Variants in UCN observed in about 807,000 individuals in gnomAD.
The protein encoded by UCN is prepro-urocortin.
A neutral mutation model predicts 6.5 loss-of-function variants in UCN; 5 were observed. The observed-to-expected ratio is 0.77, with a 90% confidence interval of 0.40 to 1.62. The LOEUF is 1.62. UCN is among the 40% of genes most tolerant of loss of function. The pLI is 0.02. For synonymous variants in UCN, 95 were observed against 96.4 expected, an observed-to-expected ratio of 0.99 and a Z score of 0.09; for missense variants, 195 against 188.8, an observed-to-expected ratio of 1.03 and a Z score of -0.19.
rs1679258252 is a variant in UCN, at chr2:27,307,422, A to C, written c.*99T>G. On this transcript the variant is annotated 3_prime_UTR_variant, in exon 2 of 2. Coordinates refer to ENST00000296099, the MANE Select transcript of UCN (RefSeq NM_003353.4). The surrounding 1 kb of genome is among the most constrained non-coding windows in gnomAD (Gnocchi z 6.9). ...AACGGGTCTTCAGTACTTTTATTAAAAAATAGTCACGCAGACAGTGCCCTG... is the reference window on the plus strand; with the variant it reads ...AACGGGTCTTCAGTACTTTTATTAACAAATAGTCACGCAGACAGTGCCCTG... 2.0e-6 allele frequency: 3 copies of C among 1,537,152 alleles called. No homozygotes were observed. In the South Asian group the frequency reaches 3.6e-5, roughly 19 times the overall value.
chr2:27,307,702 C>G lies in UCN; in HGVS notation c.194G>C (p.Arg65Pro). 6.4e-7 allele frequency: 1 copy of G among 1,561,042 alleles called. No individual in the cohort carries two copies. Among genetic ancestry groups the G allele is most frequent in the Non-Finnish European group, 8.7e-7 (1 of 1,155,482 alleles). Residue 65 changes from arginine (R) to proline (P), a missense_variant, in exon 2 of 2, where the codon CGC (arginine) becomes CCC (proline). Transcript: ENST00000296099. The surrounding 1 kb of genome is among the most constrained non-coding windows in gnomAD (Gnocchi z 6.9). The part of the protein sequence containing the change: ...LLLLAERFPR[R>P]AGPGRLGLGT... ...GAGTCCCAATCGGCCGGGCCCCGCG[C>G]GGCGCGGGAAGCGCTCCGCCAGCAG...
At position 27,307,607 on chromosome 2, in the gene UCN, G is replaced by A. The variant is rs763965255; in HGVS notation, c.289C>T (p.Arg97Trp). 3 of 1,612,668 alleles carry A rather than the reference G, an allele frequency of 1.9e-6. No individual in the cohort carries two copies. Among genetic ancestry groups the A allele is most frequent in the Non-Finnish European group, 2.5e-6 (3 of 1,179,906 alleles). The change falls in exon 2 of 2, where the codon CGG becomes TGG. Residue 97 changes from arginine (R) to tryptophan (W), a missense_variant. Arg to Trp is a moderately radical substitution (Grantham distance 101). Transcript: ENST00000296099. The surrounding 1 kb of genome is among the most constrained non-coding windows in gnomAD (Gnocchi z 6.9). ...GTCCGCGCCAGCTCCAGCAGGGTCC[G>A]CAGCAGGTGAAAGGTGAGGTCAATG... The part of the protein sequence containing the change: ...LSIDLTFHLL[R>W]TLLELARTQS...
rs759097906 is a variant in UCN at position 27,307,582 on chromosome 2, G to A, written c.314C>T (p.Thr105Met). 21 of 1,612,762 alleles carry A rather than the reference G, an allele frequency of 1.3e-5. No individual in the cohort carries two copies. In the East Asian group the frequency reaches 4.2e-4, roughly 33 times the overall value. Residue 105 changes from threonine to methionine, a missense_variant, in exon 2 of 2, where the codon ACG (threonine) becomes ATG (methionine). Transcript: ENST00000296099. The surrounding 1 kb of genome is among the most constrained non-coding windows in gnomAD (Gnocchi z 6.9). Reference protein sequence around the residue: ...LLRTLLELARTQSQRERAEQN... With the variant: ...LLRTLLELARMQSQRERAEQN... Reference sequence around the variant, plus strand: ...CTCGGCGCGCTCCCGCTGGCTCTGCGTCCGCGCCAGCTCCAGCAGGGTCCG... The same window carrying A: ...CTCGGCGCGCTCCCGCTGGCTCTGCATCCGCGCCAGCTCCAGCAGGGTCCG...
Position 27,307,841 on chromosome 2 carries a change from G to C in UCN, c.55C>G (p.Leu19Val), listed in dbSNP as rs1237664436. The C allele has an allele frequency of 1.3e-6, 2 of 1,498,946 alleles. No individual in the cohort carries two copies. The highest frequency in any genetic ancestry group is 4.4e-5 in the Admixed American group (2 of 45,534). The allele number at this position is 1,498,946 out of a possible 1,614,324, so 92.9% of individuals were successfully genotyped here. ...CTCCTCTGGCTGCTCCCAGGGCACA[G>C]CTGTACCAGGAGCAGCAGCGCGGCC... ...LLAALLLLVQ[L>V]CPGSSQRSPE... The change falls in exon 2 of 2, where the codon CTG (leucine) becomes GTG (valine). Residue 19 changes from leucine to valine, a missense_variant. Physicochemically the swap from Leu to Val is conservative, Grantham distance 32 (BLOSUM62 1). Coordinates refer to ENST00000296099, the MANE Select transcript of UCN (RefSeq NM_003353.4). The surrounding 1 kb of genome is among the most constrained non-coding windows in gnomAD (Gnocchi z 6.9).
At position 27,308,149 on chromosome 2, in the gene UCN, G is replaced by A; in HGVS notation, c.-14+11C>T. ...CAGGGGGAGGCTGGGCGGACGCTCTGAGCCACTCACAGGTTGTCGGCGAGC... is the reference window on the plus strand; with the variant it reads ...CAGGGGGAGGCTGGGCGGACGCTCTAAGCCACTCACAGGTTGTCGGCGAGC... On this transcript the variant is annotated intron_variant, in intron 1 of 1. Coordinates refer to ENST00000296099, the MANE Select transcript of UCN (RefSeq NM_003353.4). This position sits in a 1 kb window ranked among gnomAD's most constrained non-coding sequence, Gnocchi z 4.2. The A allele has an allele frequency of 2.6e-6, 1 of 390,992 alleles. No homozygotes were observed. The highest frequency in any genetic ancestry group is 6.5e-5 in the South Asian group (1 of 15,316). 24.2% of individuals were successfully genotyped at this position (390,992 alleles called of 1,614,324 possible).
rs769091059 is a variant in UCN, at chr2:27,307,534, G to C, written c.362C>G (p.Ser121Trp). Residue 121 changes from serine (S) to tryptophan (W), a missense_variant, in exon 2 of 2, where the codon TCG becomes TGG. Transcript: ENST00000296099. This position sits in a 1 kb window ranked among gnomAD's most constrained non-coding sequence, Gnocchi z 6.9. ...CAAACCGGGCCATCACTTGCCCACCGAGTCGAATATGATGCGGTTCTGCTC... is the reference window on the plus strand; with the variant it reads ...CAAACCGGGCCATCACTTGCCCACCCAGTCGAATATGATGCGGTTCTGCTC... ...RAEQNRIIFD[S>W]VGK is the part of the protein sequence containing the mutation. The C allele has an allele frequency of 1.2e-6, 2 of 1,612,926 alleles. No homozygotes were observed. Among genetic ancestry groups the C allele is most frequent in the East Asian group, 2.2e-5 (1 of 44,860 alleles).
rs1361607948 is a variant in UCN at position 27,307,867 on chromosome 2, A to G, written c.29T>C (p.Leu10Pro). Reference protein sequence around the residue: MRQAGRAALLAALLLLVQLC... With the variant: MRQAGRAALPAALLLLVQLC... ...CTGTACCAGGAGCAGCAGCGCGGCC[A>G]GCAGCGCTGCGCGTCCCGCCTGCCT... The change falls in exon 2 of 2, where the codon CTG becomes CCG. Residue 10 changes from leucine (L) to proline (P), a missense_variant. Physicochemically the swap from Leu to Pro is moderately conservative, Grantham distance 98. Transcript: ENST00000296099. This position sits in a 1 kb window ranked among gnomAD's most constrained non-coding sequence, Gnocchi z 6.9. 25 of 1,488,122 alleles carry G rather than the reference A, an allele frequency of 1.7e-5. No homozygotes were observed. The highest frequency in any genetic ancestry group is 2.2e-5 in the Non-Finnish European group (25 of 1,127,382). The allele number at this position is 1,488,122 out of a possible 1,614,324, so 92.2% of individuals were successfully genotyped here.
In UCN at chr2:27,307,643, G is replaced by A. The variant is rs973424480; in HGVS notation, c.253C>T (p.Pro85Ser). ...TAGERPRRDN[P>S]SLSIDLTFHL... Reference sequence around the variant, plus strand: ...AAGGTGAGGTCAATGGACAGAGAAGGGTTGTCCCGCCGCGGCCGCTCGCCT... The same window carrying A: ...AAGGTGAGGTCAATGGACAGAGAAGAGTTGTCCCGCCGCGGCCGCTCGCCT... Residue 85 changes from proline (P) to serine (S), a missense_variant, in exon 2 of 2, where the codon CCT becomes TCT. Transcript: ENST00000296099. The surrounding 1 kb of genome is among the most constrained non-coding windows in gnomAD (Gnocchi z 6.9). The A allele has an allele frequency of 2.5e-6, 4 of 1,609,778 alleles. No individual in the cohort carries two copies. Among genetic ancestry groups the A allele is most frequent in the Non-Finnish European group, 3.4e-6 (4 of 1,178,818 alleles).
At position 27,307,736 on chromosome 2, in the gene UCN, G is replaced by A. The variant is rs1043402827; in HGVS notation, c.160C>T (p.Leu54Phe). Residue 54 changes from leucine to phenylalanine, a missense_variant, in exon 2 of 2, where the codon CTC becomes TTC. By Grantham distance (22) the Leu-to-Phe change is conservative. Transcript: ENST00000296099. The surrounding 1 kb of genome is among the most constrained non-coding windows in gnomAD (Gnocchi z 6.9). The part of the protein sequence containing the change: ...ARNQGGGARA[L>F]LLLLAERFPR... ...AAGCGCTCCGCCAGCAGCAAGAGGA[G>A]CGCGCGGGCCCCGCCACCCTGGTTC... 2.6e-6 allele frequency: 4 copies of A among 1,511,774 alleles called. No individual in the cohort carries two copies. The highest frequency in any genetic ancestry group is 1.3e-5 in the South Asian group (1 of 78,724). The allele number at this position is 1,511,774 out of a possible 1,614,324, so 93.6% of individuals were successfully genotyped here.
chr2:27,308,048 C>T lies in UCN; in HGVS notation c.-14+112G>A, dbSNP rs1679292043. On this transcript the variant is annotated intron_variant, in intron 1 of 1. Coordinates refer to ENST00000296099, the MANE Select transcript of UCN (RefSeq NM_003353.4). This position sits in a 1 kb window ranked among gnomAD's most constrained non-coding sequence, Gnocchi z 4.2. Reference sequence around the variant, plus strand: ...TGCCCTCCAGCCCCAGCCACTGCGCCAGTGCTGTTCCATCCCTTCCACCCA... The same window carrying T: ...TGCCCTCCAGCCCCAGCCACTGCGCTAGTGCTGTTCCATCCCTTCCACCCA... 1 of 752,226 alleles carries T rather than the reference C, an allele frequency of 1.3e-6. No homozygotes were observed. Among genetic ancestry groups the T allele is most frequent in the South Asian group, 3.2e-5 (1 of 31,006 alleles). The allele number at this position is 752,226 out of a possible 1,614,324, so 46.6% of individuals were successfully genotyped here. A position where few individuals can be genotyped will look rare whatever the true frequency, so the allele number is the denominator to read the frequency against.
At position 27,307,737 on chromosome 2, in the gene UCN, C is replaced by A. The variant is rs749714626; in HGVS notation, c.159G>T (p.Ala53=). The A allele has an allele frequency of 4.6e-6, 7 of 1,508,148 alleles. No individual in the cohort carries two copies. Among genetic ancestry groups the A allele is most frequent in the Non-Finnish European group, 6.2e-6 (7 of 1,133,096 alleles). The allele number at this position is 1,508,148 out of a possible 1,614,324, so 93.4% of individuals were successfully genotyped here. The change falls in exon 2 of 2, where the codon GCG becomes GCT. Residue 53 remains alanine (A), a synonymous_variant. Coordinates refer to ENST00000296099, the MANE Select transcript of UCN (RefSeq NM_003353.4). The surrounding 1 kb of genome is among the most constrained non-coding windows in gnomAD (Gnocchi z 6.9). ...AGCGCTCCGCCAGCAGCAAGAGGAG[C>A]GCGCGGGCCCCGCCACCCTGGTTCC... ...GARNQGGGAR[A]LLLLLAERFP...
At position 27,308,130 on chromosome 2, in the gene UCN, G is replaced by T; in HGVS notation, c.-14+30C>A. On this transcript the variant is annotated intron_variant, in intron 1 of 1. Coordinates refer to ENST00000296099, the MANE Select transcript of UCN (RefSeq NM_003353.4). This position sits in a 1 kb window ranked among gnomAD's most constrained non-coding sequence, Gnocchi z 4.2. ...GCTGAGCGGAGTCCTGGTGCAGGGGGAGGCTGGGCGGACGCTCTGAGCCAC... is the reference window on the plus strand; with the variant it reads ...GCTGAGCGGAGTCCTGGTGCAGGGGTAGGCTGGGCGGACGCTCTGAGCCAC... 1 of 416,252 alleles carries T rather than the reference G, an allele frequency of 2.4e-6. No individual in the cohort carries two copies. Among genetic ancestry groups the T allele is most frequent in the Non-Finnish European group, 4.2e-6 (1 of 240,770 alleles). 25.8% of individuals were successfully genotyped at this position (416,252 alleles called of 1,614,324 possible). A position where few individuals can be genotyped will look rare whatever the true frequency, so the allele number is the denominator to read the frequency against.
chr2:27,308,147 C>T lies in UCN; in HGVS notation c.-14+13G>A, dbSNP rs28364046. On this transcript the variant is annotated intron_variant, in intron 1 of 1. Transcript: ENST00000296099. This position sits in a 1 kb window ranked among gnomAD's most constrained non-coding sequence, Gnocchi z 4.2. ...TGCAGGGGGAGGCTGGGCGGACGCT[C>T]TGAGCCACTCACAGGTTGTCGGCGA... 6.0e-4 allele frequency: 234 copies of T among 392,060 alleles called. No individual in the cohort carries two copies. The highest frequency in any genetic ancestry group is 9.4e-4 in the Non-Finnish European group (210 of 223,080). 24.3% of individuals were successfully genotyped at this position (392,060 alleles called of 1,614,324 possible).
chr2:27,307,473 T>C lies in UCN; in HGVS notation c.*48A>G, dbSNP rs764835385. 6.2e-7 allele frequency: 1 copy of C among 1,609,686 alleles called. No homozygotes were observed. Among genetic ancestry groups the C allele is most frequent in the South Asian group, 1.1e-5 (1 of 90,904 alleles). ...GTGGCTCTGCCCCGCATCCCAACTC[T>C]GGGGTGGGGGAAAGGGGTCAACGTT... is the stretch of plus-strand genomic sequence containing the variant. On this transcript the variant is annotated 3_prime_UTR_variant, in exon 2 of 2. Coordinates refer to ENST00000296099, the MANE Select transcript of UCN (RefSeq NM_003353.4). This position sits in a 1 kb window ranked among gnomAD's most constrained non-coding sequence, Gnocchi z 6.9.
At position 27,307,959 on chromosome 2, in the gene UCN, G is replaced by A; in HGVS notation, c.-13-51C>T. On this transcript the variant is annotated intron_variant, in intron 1 of 1. Coordinates refer to ENST00000296099, the MANE Select transcript of UCN (RefSeq NM_003353.4). The surrounding 1 kb of genome is among the most constrained non-coding windows in gnomAD (Gnocchi z 6.9). ...TGAGGTGCGCCTGGGACAGCTGCAG[G>A]CCGCCGCTCCCCTCCCCGCGCTCGC... 2 of 1,321,384 alleles carry A rather than the reference G, an allele frequency of 1.5e-6. No homozygotes were observed. The allele number at this position is 1,321,384 out of a possible 1,614,324, so 81.9% of individuals were successfully genotyped here.
chr2:27,307,985 C>T lies in UCN; in HGVS notation c.-13-77G>A, dbSNP rs1166359194. Reference sequence around the variant, plus strand: ...CCGCCGCTCCCCTCCCCGCGCTCGCCCGGCGACCCCTCCGGCCGCCGCCCA... The same window carrying T: ...CCGCCGCTCCCCTCCCCGCGCTCGCTCGGCGACCCCTCCGGCCGCCGCCCA... On this transcript the variant is annotated intron_variant, in intron 1 of 1. Transcript: ENST00000296099. This position sits in a 1 kb window ranked among gnomAD's most constrained non-coding sequence, Gnocchi z 6.9. The T allele has an allele frequency of 9.3e-6, 12 of 1,284,998 alleles. No homozygotes were observed. In the Admixed American group the frequency reaches 1.3e-4, roughly 14 times the overall value. The allele number at this position is 1,284,998 out of a possible 1,614,324, so 79.6% of individuals were successfully genotyped here.
rs1489964586 is a variant in UCN at position 27,307,807 on chromosome 2, G to A, written c.89C>T (p.Ala30Val). Residue 30 changes from alanine to valine, a missense_variant, in exon 2 of 2, where the codon GCG (alanine) becomes GTG (valine). Ala to Val is a moderately conservative substitution (Grantham distance 64, BLOSUM62 0). Transcript: ENST00000296099. The surrounding 1 kb of genome is among the most constrained non-coding windows in gnomAD (Gnocchi z 6.9). ...CAGACTCGGGTCCTGGACCCCGGCC[G>A]CCTCGGGGCTCCTCTGGCTGCTCCC... is the stretch of plus-strand genomic sequence containing the variant. ...CPGSSQRSPE[A>V]AGVQDPSLRW... 4 of 1,506,510 alleles carry A rather than the reference G, an allele frequency of 2.7e-6. No individual in the cohort carries two copies. The highest frequency in any genetic ancestry group is 2.6e-6 in the Non-Finnish European group (3 of 1,133,050). 93.3% of individuals were successfully genotyped at this position (1,506,510 alleles called of 1,614,324 possible).
Position 27,307,622 on chromosome 2 carries a change from T to C in UCN, c.274A>G (p.Thr92Ala), listed in dbSNP as rs1422744983. The C allele has an allele frequency of 5.0e-6, 8 of 1,612,032 alleles. No homozygotes were observed. In the Admixed American group the frequency reaches 1.3e-4, roughly 27 times the overall value. The stretch of plus-strand genomic sequence containing the variant: ...AGCAGGGTCCGCAGCAGGTGAAAGG[T>C]GAGGTCAATGGACAGAGAAGGGTTG... The part of the protein sequence containing the change: ...RDNPSLSIDL[T>A]FHLLRTLLEL... The change falls in exon 2 of 2, where the codon ACC becomes GCC. Residue 92 changes from threonine (T) to alanine (A), a missense_variant. By Grantham distance (58) the Thr-to-Ala change is moderately conservative. Transcript: ENST00000296099. The surrounding 1 kb of genome is among the most constrained non-coding windows in gnomAD (Gnocchi z 6.9).
At position 27,308,049 on chromosome 2, in the gene UCN, A is replaced by G; in HGVS notation, c.-14+111T>C. 2.7e-6 allele frequency: 2 copies of G among 752,214 alleles called. No individual in the cohort carries two copies. Among genetic ancestry groups the G allele is most frequent in the South Asian group, 3.2e-5 (1 of 30,954 alleles). The allele number at this position is 752,214 out of a possible 1,614,324, so 46.6% of individuals were successfully genotyped here. A position where few individuals can be genotyped will look rare whatever the true frequency, so the allele number is the denominator to read the frequency against. On this transcript the variant is annotated intron_variant, in intron 1 of 1. Transcript: ENST00000296099. This position sits in a 1 kb window ranked among gnomAD's most constrained non-coding sequence, Gnocchi z 4.2. Reference sequence around the variant, plus strand: ...GCCCTCCAGCCCCAGCCACTGCGCCAGTGCTGTTCCATCCCTTCCACCCAG... The same window carrying G: ...GCCCTCCAGCCCCAGCCACTGCGCCGGTGCTGTTCCATCCCTTCCACCCAG...
Sources: allele counts gnomAD v4.1 joint callset, GRCh38; gene constraint gnomAD v4.1.1; non-coding constraint Gnocchi (gnomAD v3.1); transcripts MANE v1.5; gene names NCBI Gene and HGNC (gene_info 2026-07-23, HGNC 2026-07-21).